PLEKHA1: variants seen among roughly 807,000 people sequenced by gnomAD.
PLEKHA1 encodes the protein pleckstrin homology domain-containing family A member 1.
In PLEKHA1, 34 loss-of-function variants were observed where a neutral mutation model predicts 52.0. That is an observed-to-expected ratio of 0.65 (90% CI 0.50 to 0.87). The LOEUF (loss-of-function observed/expected upper bound fraction) is 0.87. PLEKHA1 is among the 40% of genes least tolerant of loss of function. The pLI, the probability that PLEKHA1 is intolerant of heterozygous loss-of-function variation, is 0.00. For missense variants in PLEKHA1, 497 were observed against 504.2 expected, an observed-to-expected ratio of 0.99 and a Z score of 0.14; for synonymous variants, 163 against 170.7, an observed-to-expected ratio of 0.95 and a Z score of 0.35.
At chr10:122,441,383 G>T in the PLEKHA1 span, 1 of 152,024 alleles carries the variant, frequency 6.6e-6, no homozygotes, top group Non-Finnish European at 1.5e-5. Context: ...GAGGTGAGAG[G>T]ATCGCTTGAG....
intron 8 of PLEKHA1, chr10:122,418,803 C>T (rs1368651802): frequency 6.6e-6 from 1 of 152,132 alleles, no homozygotes; most frequent in Non-Finnish European, 1.5e-5. Flanking sequence ...AAATGTCTAT[C>T]CTACGTCTTC....
chr10:122,406,759 C>A, intron 5 of PLEKHA1, 86 bp downstream of exon 5: 1 of 994,792 alleles, frequency 1.0e-6, no homozygotes, highest in Non-Finnish European at 1.6e-6. Flanking sequence ...ATGTTCCCAG[C>A]TTACCAACAG....
At chr10:122,434,401 C>T (rs2133804593), downstream of PLEKHA1, 1 of 152,192 alleles carries the variant, frequency 6.6e-6, no homozygotes, top group East Asian at 1.9e-4. Context: ...CTGTCTTAGA[C>T]CCGGCATCCT....
chr10:122,398,541 T>C (rs1408038106), intron 3 of PLEKHA1, among the ~76,000 whole-genome samples: 1 of 152,036 alleles, frequency 6.6e-6, no homozygotes, highest in African/African-American at 2.4e-5. Context: ...TCTTATTTTC[T>C]TCTATTAATG....
chr10:122,409,434 G>A (rs557058226), intron 5 of PLEKHA1, among the ~76,000 whole-genome samples: 1 of 142,098 alleles, frequency 7.0e-6, no homozygotes, highest in Admixed American at 6.9e-5. Flanking sequence ...ATTTATAGTG[G>A]AAATATATAT....
chr10:122,401,745 A>G (rs1275382416), intron 4 of PLEKHA1, among the ~76,000 whole-genome samples: 1 of 152,158 alleles, frequency 6.6e-6, no homozygotes, highest in South Asian at 2.1e-4. Flanking sequence ...CTCAGAGAGT[A>G]TGTTAGTGGA....
At position 122,395,273 on chromosome 10, in the gene PLEKHA1, GT is replaced by G. The variant is rs200782813; in HGVS notation, c.141+1942del. Among the ~76,000 whole-genome samples the G allele has an allele frequency of 7.0e-4, 106 of 150,810 alleles. 1 individual carries two copies. In the East Asian group the frequency reaches 0.018, roughly 26 times the overall value. ...ATTGGCTTTTCTGGACACAGTGCCA[GT>G]TTTTTTTTTAAGTACAGAATTTAAA... On this transcript the variant is annotated intron_variant, in intron 2 of 11. Coordinates refer to ENST00000368990, the MANE Select transcript of PLEKHA1 (RefSeq NM_001001974.4).
At chr10:122,405,503 A>G (rs1201079156) in intron 4 of PLEKHA1, among the ~76,000 whole-genome samples, 3 of 152,008 alleles carry the variant, frequency 2.0e-5, no homozygotes, top group Non-Finnish European at 4.4e-5. Flanking sequence ...ATTTATCTCA[A>G]TAACCAAAGA....
intron 1 of PLEKHA1, among the ~76,000 whole-genome samples, chr10:122,383,402 C>T (rs529177801): frequency 6.8e-6 from 1 of 147,486 alleles, no homozygotes; most frequent in Non-Finnish European, 1.5e-5. Flanking sequence ...TTACTGCAGA[C>T]TCAATCTCCT....
intron 1 of PLEKHA1, among the ~76,000 whole-genome samples, chr10:122,380,680 C>T (rs1489741190): frequency 1.3e-5 from 2 of 152,212 alleles, no homozygotes; most frequent in African/African-American, 4.8e-5. Context: ...CCCATTGAAA[C>T]AGGTTGTCAA....
intron 11 of PLEKHA1, among the ~76,000 whole-genome samples, chr10:122,429,148 T>C (rs2133710840): frequency 1.3e-5 from 2 of 152,346 alleles, no homozygotes; most frequent in South Asian, 4.1e-4. Flanking sequence ...TTCGTGCTTA[T>C]TAAAGAAATA....
Position 122,394,915 on chromosome 10 carries a change from A to G in PLEKHA1, c.141+1574A>G, listed in dbSNP as rs373209960. On this transcript the variant is annotated intron_variant, in intron 2 of 11. Coordinates refer to ENST00000368990, the MANE Select transcript of PLEKHA1 (RefSeq NM_001001974.4). ...CCTTTATCAGTACTACCCATTTAGC[A>G]GAGCTAAAAGGAGTTAAGTACAAAA... Among the ~76,000 whole-genome samples, 14 of 152,342 alleles carry G rather than the reference A, an allele frequency of 9.2e-5. No homozygotes were observed. The East Asian group carries it at 1.9e-3, about 21-fold the overall frequency.
At chr10:122,392,617 CT>C (rs1222162435) in intron 1 of PLEKHA1, among the ~76,000 whole-genome samples, 3 of 152,094 alleles carry the variant, frequency 2.0e-5, no homozygotes, top group Non-Finnish European at 4.4e-5. Flanking sequence ...CAGGCTTTGA[CT>C]CTTGGCCTAC....
intron 7 of PLEKHA1, 86 bp downstream of exon 7, chr10:122,416,088 T>G (rs1258976270): frequency 7.1e-7 from 1 of 1,416,182 alleles, no homozygotes; most frequent in Non-Finnish European, 9.4e-7. Flanking sequence ...GTTTGCTTTA[T>G]TTTATGAAAG....
At chr10:122,401,339 T>G (rs533886480) in intron 4 of PLEKHA1, among the ~76,000 whole-genome samples, 60 of 152,254 alleles carry the variant, frequency 3.9e-4, no homozygotes, top group Non-Finnish European at 6.9e-4. Context: ...TTGTTTGTTT[T>G]TTTGTATGCA....
chr10:122,427,146 CT>C, intron 11 of PLEKHA1, 115 bp downstream of exon 11: 1 of 967,096 alleles, frequency 1.0e-6, no homozygotes, highest in Non-Finnish European at 1.5e-6. Flanking sequence ...TGCATGTTGA[CT>C]TTTATACCAA....
chr10:122,414,752 C>G (rs1489702599), intron 6 of PLEKHA1, among the ~76,000 whole-genome samples: 3 of 152,128 alleles, frequency 2.0e-5, no homozygotes, highest in Non-Finnish European at 4.4e-5. Flanking sequence ...AATAAAAGAT[C>G]ACTGCACACC....
intron 1 of PLEKHA1, among the ~76,000 whole-genome samples, chr10:122,385,581 G>A (rs1045321321): frequency 1.3e-5 from 2 of 152,180 alleles, no homozygotes; most frequent in African/African-American, 4.8e-5. Flanking sequence ...CTCCCAAAGT[G>A]TTGGGATTAT....
chr10:122,384,424 C>T lies in PLEKHA1; in HGVS notation c.-20-8757C>T, dbSNP rs989429372. ...GAGATTGAGACCATCCTGGCTAACA[C>T]GGTGAAACCCCGTCTCTACTAAAAA... On this transcript the variant is annotated intron_variant, in intron 1 of 11. Coordinates refer to ENST00000368990, the MANE Select transcript of PLEKHA1 (RefSeq NM_001001974.4). Among the ~76,000 whole-genome samples, 89 of 150,720 alleles carry T rather than the reference C, an allele frequency of 5.9e-4. 1 individual carries two copies. Among genetic ancestry groups the T allele is most frequent in the Admixed American group, 2.0e-4 (3 of 15,122 alleles).
Sources: allele counts gnomAD v4.1 joint callset (sites outside exome capture counted in the v4.1 genomes callset), GRCh38; gene constraint gnomAD v4.1.1; transcripts MANE v1.5; gene names NCBI Gene and HGNC (gene_info 2026-07-23, HGNC 2026-07-21).